The following IQCH variants were observed in gnomAD, a reference collection of about 807,000 sequenced individuals.
The protein encoded by IQCH is IQ motif containing H, also known as IQ domain-containing protein H.
Under a neutral mutation model 117.0 loss-of-function variants are expected in IQCH, and 98 were observed. The ratio of observed to expected loss-of-function variants is 0.84; its 90% CI spans 0.71 to 0.99. The LOEUF (loss-of-function observed/expected upper bound fraction) is 0.99, where lower values mean the gene tolerates loss of function less well. Ranked by LOEUF, IQCH falls within the 50% of genes least tolerant of loss-of-function variation. The probability of loss-of-function intolerance (pLI) is 0.00; values close to 1 mark genes in which losing one functional copy is unlikely to be tolerated. For synonymous variants in IQCH, 412 were observed against 448.2 expected, an observed-to-expected ratio of 0.92 and a Z score of 1.02; for missense variants, 1,102 against 1,243.8, an observed-to-expected ratio of 0.89 and a Z score of 1.72.
intron 1 of IQCH, among the ~76,000 whole-genome samples, chr15:67,255,693 C>T (rs190491625): frequency 2.6e-5 from 4 of 152,310 alleles, no homozygotes; most frequent in Non-Finnish European, 5.9e-5. Flanking sequence ...TCTAAGGTCA[C>T]TCTGTCAGGA....
At chr15:67,423,172 G>T (rs751919838) in intron 16 of IQCH, among the ~76,000 whole-genome samples, 1 of 152,180 alleles carries the variant, frequency 6.6e-6, no homozygotes, top group African/African-American at 2.4e-5. Context: ...TCTCCCTGTG[G>T]TGGAGGCAGG....
intron 20 of IQCH, among the ~76,000 whole-genome samples, chr15:67,498,336 C>T (rs1448342115): frequency 2.0e-5 from 3 of 152,064 alleles, no homozygotes; most frequent in Non-Finnish European, 4.4e-5. Context: ...TTAAAATGGG[C>T]CGGGCGCGGT....
intron 5 of IQCH, among the ~76,000 whole-genome samples, chr15:67,340,137 G>A (rs190735658): frequency 1.8e-4 from 27 of 152,130 alleles, no homozygotes. Context: ...TTCTTTAAAA[G>A]TGACTCGTCG....
At chr15:67,307,114 G>A in intron 4 of IQCH, 1 of 1,151,534 alleles carries the variant, frequency 8.7e-7, no homozygotes, top group Non-Finnish European at 1.1e-6. Flanking sequence ...TTATGACCTA[G>A]AAAAAAATCA....
At chr15:67,469,228 G>C (rs953582270) in intron 17 of IQCH, among the ~76,000 whole-genome samples, 2 of 152,102 alleles carry the variant, frequency 1.3e-5, no homozygotes, top group Non-Finnish European at 2.9e-5. Context: ...ACTGGTCTGG[G>C]AGTTAGGGAT....
intron 10 of IQCH, among the ~76,000 whole-genome samples, chr15:67,377,127 A>AAAAAAGAAC (rs1555470649): frequency 4.0e-5 from 6 of 150,716 alleles, no homozygotes; most frequent in African/African-American, 1.5e-4. Flanking sequence ...AAAAAAAAAA[A>AAAAAAGAAC]AAAAGAAAAA....
At chr15:67,378,576 A>C (rs1970815265) in intron 10 of IQCH, among the ~76,000 whole-genome samples, 1 of 151,684 alleles carries the variant, frequency 6.6e-6, no homozygotes, top group Admixed American at 6.6e-5. Context: ...TTATAGCCCA[A>C]ACACACACAT....
chr15:67,470,292 C>G (rs2083038299), intron 17 of IQCH, among the ~76,000 whole-genome samples: 1 of 152,226 alleles, frequency 6.6e-6, no homozygotes, highest in Non-Finnish European at 1.5e-5. Context: ...ATACTCCTGC[C>G]TCAGCCTCCC....
rs1293341456 is a variant in IQCH, at chr15:67,465,188, T to A, written c.2567T>A (p.Leu856Ter). The A allele has an allele frequency of 6.2e-7, 1 of 1,614,178 alleles. No individual in the cohort carries two copies. The highest frequency in any genetic ancestry group is 2.2e-5 in the East Asian group (1 of 44,886). Residue 856 changes from leucine to a stop codon, truncating the protein, a stop_gained, in exon 17 of 21, where the codon TTA becomes TAA. Transcript: ENST00000335894. LOFTEE classifies it high-confidence loss of function. This position sits in a 1 kb window ranked among gnomAD's most constrained non-coding sequence, Gnocchi z 5.9. ...CAGCTGGCCCTGACTCAACTCACCT[T>A]ATACCTGACAAACGGCCATCTGGAT... is the stretch of plus-strand genomic sequence containing the variant. Reference protein sequence around the residue: ...SDQLALTQLTLYLTNGHLDCS... With the variant: ...SDQLALTQLT
chr15:67,379,077 C>CA (rs914758074), intron 10 of IQCH, among the ~76,000 whole-genome samples: 2 of 151,102 alleles, frequency 1.3e-5, no homozygotes, highest in Admixed American at 1.3e-4. Flanking sequence ...TTTTCTAAAA[C>CA]AAAAAAAAAT....
intron 8 of IQCH, among the ~76,000 whole-genome samples, chr15:67,371,251 G>T (rs1327963404): frequency 6.6e-6 from 1 of 152,058 alleles, no homozygotes; most frequent in Non-Finnish European, 1.5e-5. Flanking sequence ...AGTAGAATAG[G>T]TTCTGAGAAT....
At chr15:67,355,965 C>T (rs1198128714) in intron 6 of IQCH, among the ~76,000 whole-genome samples, 1 of 152,172 alleles carries the variant, frequency 6.6e-6, no homozygotes, top group African/African-American at 2.4e-5. Context: ...AAAAGTTATG[C>T]CCACTTGAAA....
In IQCH at chr15:67,474,367, A is replaced by G. The variant is rs906088341; in HGVS notation, c.2677-1329A>G. Among the ~76,000 whole-genome samples the G allele has an allele frequency of 6.6e-6, 1 of 152,140 alleles. No individual in the cohort carries two copies. The highest frequency in any genetic ancestry group is 2.4e-5 in the African/African-American group (1 of 41,426). Reference sequence around the variant, plus strand: ...GTCACCACAGTTCAAGAGCCAAGCCAGGCACCTTTATCTTCTATGCCCTAA... The same window carrying G: ...GTCACCACAGTTCAAGAGCCAAGCCGGGCACCTTTATCTTCTATGCCCTAA... On this transcript the variant is annotated intron_variant, in intron 17 of 20. Coordinates refer to ENST00000335894, the MANE Select transcript of IQCH (RefSeq NM_001031715.3). This position sits in a 1 kb window ranked among gnomAD's most constrained non-coding sequence, Gnocchi z 4.1.
chr15:67,389,478 G>GT lies in IQCH; in HGVS notation c.1632+484dup, dbSNP rs578040010. Among the ~76,000 whole-genome samples, 289 of 145,870 alleles carry GT rather than the reference G, an allele frequency of 2.0e-3. 1 individual carries two copies. Among genetic ancestry groups the GT allele is most frequent in the African/African-American group, 4.4e-3 (176 of 40,066 alleles). On this transcript the variant is annotated intron_variant, in intron 12 of 20. Transcript: ENST00000335894. ...ATGGTTCCTAATGAACAATGTTCAG[G>GT]TTTTTTTTTTTTAATTGGGCTGATT...
rs2081835731 is a variant in IQCH at position 67,424,431 on chromosome 15, A to G, written c.2505+2854A>G. Among the ~76,000 whole-genome samples the G allele has an allele frequency of 6.6e-6, 1 of 152,138 alleles. No homozygotes were observed. Among genetic ancestry groups the G allele is most frequent in the African/African-American group, 2.4e-5 (1 of 41,420 alleles). Reference sequence around the variant, plus strand: ...CCTCGTACCACTTATCTCAGTTACAAATTTAAACTTATTTACATGACTATC... The same window carrying G: ...CCTCGTACCACTTATCTCAGTTACAGATTTAAACTTATTTACATGACTATC... On this transcript the variant is annotated intron_variant, in intron 16 of 20. Transcript: ENST00000335894. The surrounding 1 kb of genome is among the most constrained non-coding windows in gnomAD (Gnocchi z 4.9).
chr15:67,375,443 ATAAAT>A (rs534368830), intron 10 of IQCH, among the ~76,000 whole-genome samples: 238 of 152,282 alleles, frequency 1.6e-3, no homozygotes, highest in African/African-American at 5.4e-3. Context: ...ATAAAATAAA[ATAAAT>A]TAAGTGGGAG....
chr15:67,498,942 A>G (rs141451398), intron 20 of IQCH, among the ~76,000 whole-genome samples: 220 of 152,282 alleles, frequency 1.4e-3, no homozygotes, highest in Admixed American at 2.2e-3. Flanking sequence ...CAACTCAACT[A>G]CAGAAGGACA....
intron 6 of IQCH, among the ~76,000 whole-genome samples, chr15:67,353,673 A>G (rs1969767865): frequency 6.6e-6 from 1 of 152,158 alleles, no homozygotes; most frequent in Non-Finnish European, 1.5e-5. Context: ...TGGCTTCTTT[A>G]AAAGAACATA....
At chr15:67,377,778 G>A (rs951506145) in intron 10 of IQCH, among the ~76,000 whole-genome samples, 1 of 152,060 alleles carries the variant, frequency 6.6e-6, no homozygotes, top group Non-Finnish European at 1.5e-5. Context: ...AAATAGAGGT[G>A]GGATTTTTTT....
Sources: allele counts gnomAD v4.1 joint callset (sites outside exome capture counted in the v4.1 genomes callset), GRCh38; gene constraint gnomAD v4.1.1; non-coding constraint Gnocchi (gnomAD v3.1); transcripts MANE v1.5; gene names NCBI Gene and HGNC (gene_info 2026-07-23, HGNC 2026-07-21).